AR: variants seen among roughly 807,000 people sequenced by gnomAD.
AR encodes the protein dihydrotestosterone receptor.
Under a neutral mutation model 53.9 loss-of-function variants are expected in AR, and 8 were observed. That is an observed-to-expected ratio of 0.15 (90% confidence interval 0.09 to 0.27). AR has a LOEUF of 0.27. Ranked by LOEUF, AR falls within the 10% of genes least tolerant of loss-of-function variation. The pLI is 1.00. For missense variants in AR, 639 were observed against 742.5 expected, an observed-to-expected ratio of 0.86 and a Z score of 1.62; for synonymous variants, 359 against 316.4, an observed-to-expected ratio of 1.13 and a Z score of -1.43.
intron 2 of AR, among the ~76,000 whole-genome samples, chrX:67,673,624 G>A (rs770383888): frequency 9.1e-6 from 1 of 109,575 alleles, no homozygotes; most frequent in Non-Finnish European, 1.9e-5. Context: ...CAGAATGTCT[G>A]CTTATTTTTT....
At chrX:67,556,578 A>T (rs1921063057) in intron 1 of AR, among the ~76,000 whole-genome samples, 1 of 112,033 alleles carries the variant, frequency 8.9e-6, no homozygotes, top group Admixed American at 9.5e-5. Flanking sequence ...GGTGAACAGA[A>T]CAGACAAAAA....
intron 2 of AR, among the ~76,000 whole-genome samples, chrX:67,657,083 G>C (rs1844467921): frequency 9.0e-6 from 1 of 110,627 alleles, no homozygotes; most frequent in African/African-American, 3.3e-5. Flanking sequence ...TTAAATCAAA[G>C]CCCAAACAGA....
Position 67,695,914 on chromosome X carries a change from T to A in AR, c.1885+9788T>A, listed in dbSNP as rs1196494167. The A allele has an allele frequency of 5.3e-6, 4 of 750,652 alleles. No homozygotes were observed. In the African/African-American group the frequency reaches 9.4e-5, roughly 18 times the overall value. 61.9% of individuals were successfully genotyped at this position (750,652 alleles called of 1,213,427 possible). On this transcript the variant is annotated intron_variant, in intron 3 of 7. Coordinates refer to ENST00000374690, the MANE Select transcript of AR (RefSeq NM_000044.6). ...CCAAGGAAGGACTTCAGGAGGGGAG[T>A]TTCCCCCTTCTCAGGGCAGAATTTT...
chrX:67,562,582 C>T (rs758164201), intron 1 of AR, among the ~76,000 whole-genome samples: 2 of 111,496 alleles, frequency 1.8e-5, no homozygotes, highest in East Asian at 2.9e-4. Context: ...AGCACTGATC[C>T]GCTTTATTCA....
At chrX:67,671,890 CA>C (rs2147478186) in intron 2 of AR, among the ~76,000 whole-genome samples, 1 of 111,487 alleles carries the variant, frequency 9.0e-6, no homozygotes, top group East Asian at 2.8e-4. Flanking sequence ...TCAAGTTTGT[CA>C]AAGATCAGGT....
At chrX:67,721,077 C>T (rs977403847) in intron 5 of AR, among the ~76,000 whole-genome samples, 1 of 111,620 alleles carries the variant, frequency 9.0e-6, no homozygotes, top group Non-Finnish European at 1.9e-5. Flanking sequence ...ATGTGGTGAT[C>T]TGTTCAGAAG....
intron 1 of AR, among the ~76,000 whole-genome samples, chrX:67,552,072 T>C (rs895286604): frequency 1.8e-5 from 2 of 112,289 alleles, no homozygotes; most frequent in African/African-American, 6.5e-5. Context: ...ATCTAAAGTG[T>C]ACAGTTTCAT....
intron 1 of AR, among the ~76,000 whole-genome samples, chrX:67,589,141 T>TA (rs1220127266): frequency 9.0e-6 from 1 of 111,542 alleles, no homozygotes; most frequent in African/African-American, 3.3e-5. Context: ...CGGGCGCCTG[T>TA]AGTCCCAGCT....
At chrX:67,671,628 T>C (rs1376771915) in intron 2 of AR, among the ~76,000 whole-genome samples, 1 of 111,905 alleles carries the variant, frequency 8.9e-6, no homozygotes, top group Non-Finnish European at 1.9e-5. Flanking sequence ...CAATTTTGGC[T>C]TTTGTTGCCA....
At chrX:67,662,218 T>G (rs758424236) in intron 2 of AR, among the ~76,000 whole-genome samples, 1 of 111,848 alleles carries the variant, frequency 8.9e-6, no homozygotes, top group Admixed American at 9.5e-5. Context: ...CTTAGTTATT[T>G]CTTGCCTTCT....
Position 67,694,807 on chromosome X carries a change from G to C in AR, c.1885+8681G>C, listed in dbSNP as rs189240210. On this transcript the variant is annotated intron_variant, in intron 3 of 7. Coordinates refer to ENST00000374690, the MANE Select transcript of AR (RefSeq NM_000044.6). ...GGAGAAACCTGGCGTCTGAGGCTTA[G>C]GAGCTTAGGTTTTTGCTCCTCAACA... The C allele has an allele frequency of 8.0e-6, 9 of 1,120,929 alleles. No homozygotes were observed. The African/African-American group carries it at 1.7e-4, about 21-fold the overall frequency. The allele number at this position is 1,120,929 out of a possible 1,213,427, so 92.4% of individuals were successfully genotyped here.
At chrX:67,669,866 T>A (rs1423698626) in intron 2 of AR, among the ~76,000 whole-genome samples, 2 of 109,885 alleles carry the variant, frequency 1.8e-5, no homozygotes, top group East Asian at 2.9e-4. Flanking sequence ...TTGCTGCTAA[T>A]TTTTTTGGTT....
At chrX:67,593,353 T>C in intron 1 of AR, among the ~76,000 whole-genome samples, 1 of 109,993 alleles carries the variant, frequency 9.1e-6, no homozygotes, top group African/African-American at 3.3e-5. Flanking sequence ...TTCTTTTCTT[T>C]TTTTTTTTTT....
intron 3 of AR, among the ~76,000 whole-genome samples, chrX:67,705,841 A>G (rs2076064428): frequency 9.0e-6 from 1 of 111,500 alleles, no homozygotes; most frequent in Admixed American, 9.6e-5. Context: ...ATTTATTGAG[A>G]GTTTTTAGCA....
At chrX:67,624,276 G>T (rs770319638) in intron 1 of AR, among the ~76,000 whole-genome samples, 1 of 111,712 alleles carries the variant, frequency 9.0e-6, no homozygotes, top group South Asian at 3.8e-4. Context: ...TGACCTAGAT[G>T]AAATGGACAA....
At chrX:67,570,159 G>A (rs975358983) in intron 1 of AR, among the ~76,000 whole-genome samples, 2 of 112,025 alleles carry the variant, frequency 1.8e-5, no homozygotes, top group African/African-American at 6.5e-5. Context: ...GTCCCTGTGT[G>A]TGCATTTCAT....
intron 2 of AR, among the ~76,000 whole-genome samples, chrX:67,678,481 T>C (rs2075913676): frequency 1.8e-5 from 2 of 112,032 alleles, no homozygotes; most frequent in South Asian, 7.5e-4. Context: ...ACTTTTCTTT[T>C]CATTAAAGGC....
At chrX:67,696,662 C>T (rs985805863) in intron 3 of AR, among the ~76,000 whole-genome samples, 3 of 111,430 alleles carry the variant, frequency 2.7e-5, no homozygotes, top group African/African-American at 9.8e-5. Context: ...ATCAAGGAGC[C>T]TTCTTGCCTG....
rs1316101127 is a variant in AR at position 67,722,822 on chromosome X, A to G, written c.2450-5A>G. The G allele has an allele frequency of 8.3e-7, 1 of 1,211,181 alleles. No individual in the cohort carries two copies. Among genetic ancestry groups the G allele is most frequent in the Admixed American group, 2.2e-5 (1 of 46,030 alleles). On this transcript the variant is annotated splice_polypyrimidine_tract_variant and splice_region_variant and intron_variant, in intron 6 of 7. Transcript: ENST00000374690. ...CCTCCCCATTCTGTCTTCATCCCAC[A>G]TCAGTTCCAGTGGATGGGCTGAAAA... is the stretch of plus-strand genomic sequence containing the variant.
Sources: gnomAD v4.1 joint callset for allele counts (sites outside exome capture counted in the v4.1 genomes callset) on GRCh38, gnomAD v4.1.1 for gene constraint, MANE v1.5 for transcripts, NCBI Gene and HGNC (gene_info 2026-07-23, HGNC 2026-07-21) for gene names.